The following BIRC6 variants were observed in gnomAD, a reference collection of about 807,000 sequenced individuals.
The protein encoded by BIRC6 is dual E2 ubiquitin-conjugating enzyme/E3 ubiquitin-protein ligase BIRC6.
BIRC6 carries 98 observed loss-of-function variants against 503.3 expected under a neutral mutation model. That is an observed-to-expected ratio of 0.19 (90% CI 0.17 to 0.23). The LOEUF is 0.23. Among genes scored for constraint, BIRC6 ranks in the 10% least tolerant of loss-of-function variants. BIRC6 has a pLI of 1.00. For missense variants in BIRC6, 5,360 were observed against 5,806.0 expected, an observed-to-expected ratio of 0.92 and a Z score of 2.50; for synonymous variants, 2,240 against 2,078.7, an observed-to-expected ratio of 1.08 and a Z score of -2.11.
chr2:32,542,997 A>G (rs974360717), intron 61 of BIRC6, among the ~76,000 whole-genome samples: 1 of 151,338 alleles, frequency 6.6e-6, no homozygotes, highest in Non-Finnish European at 1.5e-5. Flanking sequence ...ACGGTGTTTC[A>G]CCGTGTTGGC....
chr2:32,360,742 A>G (rs1389965812), intron 1 of BIRC6, among the ~76,000 whole-genome samples: 2 of 152,154 alleles, frequency 1.3e-5, no homozygotes, highest in East Asian at 3.9e-4. Context: ...TATTTTTTCA[A>G]CCGTCTTGAA....
intron 66 of BIRC6, among the ~76,000 whole-genome samples, chr2:32,590,387 A>G (rs1195072981): frequency 1.3e-5 from 2 of 152,156 alleles, no homozygotes; most frequent in Non-Finnish European, 2.9e-5. Context: ...CCTTTTTTAA[A>G]TGTTTATTGC....
At chr2:32,535,755 G>A (rs1286236425) in intron 61 of BIRC6, among the ~76,000 whole-genome samples, 3 of 152,126 alleles carry the variant, frequency 2.0e-5, no homozygotes, top group Non-Finnish European at 2.9e-5. Flanking sequence ...GAATAGTGCT[G>A]CAATAAACAT....
chr2:32,422,419 T>G (rs1271004538), intron 10 of BIRC6, among the ~76,000 whole-genome samples: 1 of 152,198 alleles, frequency 6.6e-6, no homozygotes, highest in Non-Finnish European at 1.5e-5. Context: ...TGTTGATTTT[T>G]TTTTTAGAAG....
intron 65 of BIRC6, chr2:32,563,282 G>C (rs998440851): frequency 9.9e-5 from 15 of 152,118 alleles, no homozygotes; most frequent in African/African-American, 3.4e-4. Flanking sequence ...ATTTTTATCA[G>C]TATAAATTCT....
chr2:32,466,484 A>G (rs1022363110), intron 26 of BIRC6, among the ~76,000 whole-genome samples: 1 of 152,196 alleles, frequency 6.6e-6, no homozygotes, highest in African/African-American at 2.4e-5. Flanking sequence ...TTGATTATAT[A>G]TGATTGTAGT....
chr2:32,479,675 TAAAGA>T, intron 37 of BIRC6, 58 bp downstream of exon 37: 2 of 1,371,650 alleles, frequency 1.5e-6, no homozygotes, highest in Non-Finnish European at 2.0e-6. Context: ...TGTTTCAAAA[TAAAGA>T]ATGTTAGAGA....
chr2:32,551,475 G>A (rs982051710), intron 65 of BIRC6, among the ~76,000 whole-genome samples: 6 of 152,068 alleles, frequency 3.9e-5, no homozygotes, highest in Admixed American at 2.0e-4. Context: ...TAGAGATGGG[G>A]TTTCACCATG....
Position 32,368,991 on chromosome 2 carries a change from C to T in BIRC6, c.326-8597C>T, listed in dbSNP as rs114048997. Among the ~76,000 whole-genome samples, 1,149 of 152,076 alleles carry T rather than the reference C, an allele frequency of 7.6e-3. 8 individuals are homozygous for T. Among genetic ancestry groups the T allele is most frequent in the Middle Eastern group, 0.02 (6 of 294 alleles). Reference sequence around the variant, plus strand: ...CTTGATATACTATAGTAATTAATGCCATAAGGAAAATTACAGCTGATATGA... The same window carrying T: ...CTTGATATACTATAGTAATTAATGCTATAAGGAAAATTACAGCTGATATGA... On this transcript the variant is annotated intron_variant, in intron 1 of 73. Transcript: ENST00000421745.
intron 66 of BIRC6, among the ~76,000 whole-genome samples, chr2:32,590,431 T>G (rs983864154): frequency 2.0e-5 from 3 of 152,162 alleles, no homozygotes; most frequent in Non-Finnish European, 2.9e-5. Flanking sequence ...GATTTAGGAG[T>G]GCAAAGGGTT....
intron 1 of BIRC6, among the ~76,000 whole-genome samples, chr2:32,358,032 T>TGGGGGA (rs1451235289): frequency 1.0e-4 from 1 of 9,552 alleles, no homozygotes; most frequent in African/African-American, 4.5e-4. Flanking sequence ...AGCGTGGGGG[T>TGGGGGA]GGGGGTGGGG....
intron 61 of BIRC6, among the ~76,000 whole-genome samples, chr2:32,539,956 G>A (rs1349237219): frequency 6.6e-6 from 1 of 151,984 alleles, no homozygotes; most frequent in East Asian, 1.9e-4. Context: ...ACAAATGATA[G>A]CAAGCACATT....
chr2:32,398,296 A>C lies in BIRC6; in HGVS notation c.1034+2703A>C, dbSNP rs2040198234. Among the ~76,000 whole-genome samples the C allele has an allele frequency of 3.3e-5, 5 of 152,224 alleles. No individual in the cohort carries two copies. The South Asian group carries it at 1.0e-3, about 32-fold the overall frequency. On this transcript the variant is annotated intron_variant, in intron 6 of 73. Coordinates refer to ENST00000421745, the MANE Select transcript of BIRC6 (RefSeq NM_016252.4). ...AAAAATCGGAATCCTTTTAAATGCC[A>C]ATCAGGAGGGGAATAGCCAAATAGA... is the stretch of plus-strand genomic sequence containing the variant.
chr2:32,554,457 GAT>G (rs1217359041), intron 65 of BIRC6, among the ~76,000 whole-genome samples: 2 of 152,092 alleles, frequency 1.3e-5, no homozygotes, highest in African/African-American at 4.8e-5. Context: ...TGAAAAGCAA[GAT>G]ATAAATGGAT....
Position 32,471,118 on chromosome 2 carries a change from T to C in BIRC6, c.6586T>C (p.Leu2196=). The C allele has an allele frequency of 6.4e-7, 1 of 1,566,700 alleles. No homozygotes were observed. Among genetic ancestry groups the C allele is most frequent in the Non-Finnish European group, 8.7e-7 (1 of 1,153,726 alleles). The change falls in exon 32 of 74, where the codon TTG becomes CTG. Residue 2196 remains leucine (L), a synonymous_variant. Coordinates refer to ENST00000421745, the MANE Select transcript of BIRC6 (RefSeq NM_016252.4). The part of the protein sequence containing the change: ...EDEAAAAKKP[L]NGNQWSFINN... The stretch of plus-strand genomic sequence containing the variant: ...TGAAGCAGCAGCTGCAAAGAAACCT[T>C]TGAATGGTAAAGACAGGGAGAGGTT...
chr2:32,465,306 T>G (rs1423370836), intron 26 of BIRC6, 142 bp downstream of exon 26: 1 of 570,656 alleles, frequency 1.8e-6, no homozygotes, highest in East Asian at 3.0e-5. Flanking sequence ...GTACATTTTA[T>G]CAAGAATAAG....
rs761969721 is a variant in BIRC6, at chr2:32,543,290, G to A, written c.12341G>A (p.Ser4114Asn). The A allele has an allele frequency of 5.6e-6, 9 of 1,614,022 alleles. No homozygotes were observed. Among genetic ancestry groups the A allele is most frequent in the Admixed American group, 1.7e-5 (1 of 60,028 alleles). Reference protein sequence around the residue: ...TSTTQEKPKDSDQFEWVTIEQ... With the variant: ...TSTTQEKPKDNDQFEWVTIEQ... ...ACCACTCAGGAAAAGCCGAAGGATA[G>A]CGATCAGTTTGAATGGGTGACCATT... The change falls in exon 62 of 74, where the codon AGC becomes AAC. Residue 4114 changes from serine to asparagine, a missense_variant. By Grantham distance (46) the Ser-to-Asn change is conservative. This residue lies in a region of BIRC6 where 878 missense variants were observed against 928.9 expected (regional missense o/e 0.95). Coordinates refer to ENST00000421745, the MANE Select transcript of BIRC6 (RefSeq NM_016252.4).
At position 32,467,978 on chromosome 2, in the gene BIRC6, T is replaced by G; in HGVS notation, c.5647T>G (p.Tyr1883Asp). ...ATTAGGATTTTACTATGGTCATACCTACATCTTGCCTTGGGAAAGTGAACT... is the reference window on the plus strand; with the variant it reads ...ATTAGGATTTTACTATGGTCATACCGACATCTTGCCTTGGGAAAGTGAACT... Reference protein sequence around the residue: ...IPLGFYYGHTYILPWESELKL... With the variant: ...IPLGFYYGHTDILPWESELKL... The change falls in exon 28 of 74, where the codon TAC (tyrosine) becomes GAC (aspartate). Residue 1883 changes from tyrosine (Y) to aspartate (D), a missense_variant. This residue lies in a region of BIRC6 where 2,299 missense variants were observed against 2,267.2 expected (regional missense o/e 1.01). Coordinates refer to ENST00000421745, the MANE Select transcript of BIRC6 (RefSeq NM_016252.4). 6.2e-7 allele frequency: 1 copy of G among 1,613,738 alleles called. No homozygotes were observed. The highest frequency in any genetic ancestry group is 1.3e-5 in the African/African-American group (1 of 75,028).
intron 26 of BIRC6, among the ~76,000 whole-genome samples, chr2:32,465,380 T>G (rs1289551536): frequency 6.6e-6 from 1 of 151,934 alleles, no homozygotes; most frequent in East Asian, 1.9e-4. Context: ...GTAATGGATT[T>G]GATCTATATA....
Sources: gnomAD v4.1 joint callset for allele counts (sites outside exome capture counted in the v4.1 genomes callset) on GRCh38, gnomAD v4.1.1 for gene constraint, gnomAD v4.1.1 regional missense constraint, MANE v1.5 for transcripts, NCBI Gene and HGNC (gene_info 2026-07-23, HGNC 2026-07-21) for gene names.